The following B3GALT2 variants were observed in gnomAD, a reference collection of about 807,000 sequenced individuals.
B3GALT2 encodes UDP-Gal:betaGlcNAc beta 1,3-galactosyltransferase, polypeptide 2.
B3GALT2 carries 13 observed loss-of-function variants against 33.5 expected under a neutral mutation model. That is an observed-to-expected ratio of 0.39 (90% confidence interval 0.25 to 0.62). B3GALT2 has a LOEUF of 0.62. Ranked by LOEUF, B3GALT2 falls within the 20% of genes least tolerant of loss-of-function variation. B3GALT2 has a pLI of 0.53. For missense variants in B3GALT2, 418 were observed against 509.1 expected, an observed-to-expected ratio of 0.82 and a Z score of 1.72; for synonymous variants, 195 against 172.7, an observed-to-expected ratio of 1.13 and a Z score of -1.01.
chr1:193,184,196 A>G (rs1676767217), intron 1 of B3GALT2, among the ~76,000 whole-genome samples: 1 of 152,048 alleles, frequency 6.6e-6, no homozygotes, highest in Middle Eastern at 3.5e-3. Flanking sequence ...ATATATAACT[A>G]TAAATCTCCC....
intron 1 of B3GALT2, among the ~76,000 whole-genome samples, chr1:193,185,516 G>C (rs958500099): frequency 2.6e-5 from 4 of 151,748 alleles, no homozygotes; most frequent in African/African-American, 7.3e-5. Flanking sequence ...GGAAGATTTT[G>C]TTACTAAAAG....
At chr1:193,181,726 G>A in intron 1 of B3GALT2, 44 bp from the exon 2 acceptor site, 1 of 631,756 alleles carries the variant, frequency 1.6e-6, no homozygotes, top group Non-Finnish European at 2.6e-6. Context: ...GCCTGAAAGG[G>A]ACTTTGGGTA....
In B3GALT2 at chr1:193,181,449, A is replaced by G. The variant is rs2103159399; in HGVS notation, c.114T>C (p.Ala38=). Residue 38 remains alanine, a synonymous_variant, in exon 2 of 2, where the codon GCT becomes GCC. Transcript: ENST00000367434. ...CATGATGATTGAAAAACAAAAACAT[A>G]GCAAAAAGAAACACTAGAGAAAGTA... ...IGVLSLVFLF[A]MFLFFNHHDW... 1 of 1,614,096 alleles carries G rather than the reference A, an allele frequency of 6.2e-7. No individual in the cohort carries two copies. Among genetic ancestry groups the G allele is most frequent in the Non-Finnish European group, 8.5e-7 (1 of 1,179,944 alleles).
chr1:193,181,707 T>G (rs1676720384), intron 1 of B3GALT2, 25 bp from the exon 2 acceptor site: 1 of 757,560 alleles, frequency 1.3e-6, no homozygotes, highest in Non-Finnish European at 2.1e-6. Context: ...CACAAAAGTT[T>G]ACAGAACTGC....
At position 193,178,813 on chromosome 1, in the gene B3GALT2, A is replaced by G. The variant is rs539380780; in HGVS notation, c.*1481T>C. 2.5e-4 allele frequency among the ~76,000 whole-genome samples: 38 copies of G among 152,324 alleles called. No homozygotes were observed. The highest frequency in any genetic ancestry group is 7.5e-4 in the African/African-American group (31 of 41,578). On this transcript the variant is annotated 3_prime_UTR_variant, in exon 2 of 2. Transcript: ENST00000367434. ...CACTTAAACAGTTTTAGTGTTTTCAAGTTTCACAAATGTTACAATTCTCTT... is the reference window on the plus strand; with the variant it reads ...CACTTAAACAGTTTTAGTGTTTTCAGGTTTCACAAATGTTACAATTCTCTT...
Position 193,183,854 on chromosome 1 carries a change from A to T in B3GALT2, c.-121+2165T>A, listed in dbSNP as rs141916432. 4.6e-3 allele frequency among the ~76,000 whole-genome samples: 702 copies of T among 151,872 alleles called. 6 individuals are homozygous for T. The highest frequency in any genetic ancestry group is 0.016 in the African/African-American group (650 of 41,502). ...ATCTGGTTGAAGTCCAATTATACAG[A>T]TTTTTTTTAAAGTGTAAATTTGATG... On this transcript the variant is annotated intron_variant, in intron 1 of 1. Coordinates refer to ENST00000367434, the MANE Select transcript of B3GALT2 (RefSeq NM_003783.3).
chr1:193,181,221 A>G lies in B3GALT2; in HGVS notation c.342T>C (p.Asn114=), dbSNP rs777270072. 6.2e-7 allele frequency: 1 copy of G among 1,614,050 alleles called. No individual in the cohort carries two copies. The part of the protein sequence containing the change: ...LSPQGVTGLE[N]TLSANGSIYN... Reference sequence around the variant, plus strand: ...AAATACTTCCATTGGCACTAAGTGTATTCTCCAGGCCTGTAACTCCTTGTG... The same window carrying G: ...AAATACTTCCATTGGCACTAAGTGTGTTCTCCAGGCCTGTAACTCCTTGTG... Residue 114 remains asparagine (N), a synonymous_variant, in exon 2 of 2, where the codon AAT becomes AAC. Coordinates refer to ENST00000367434, the MANE Select transcript of B3GALT2 (RefSeq NM_003783.3).
chr1:193,184,803 T>C (rs1013049040), intron 1 of B3GALT2, among the ~76,000 whole-genome samples: 1 of 151,960 alleles, frequency 6.6e-6, no homozygotes, highest in African/African-American at 2.4e-5. Flanking sequence ...GAGAGTGATG[T>C]TGAGGTGTAA....
chr1:193,181,662 A>T lies in B3GALT2; in HGVS notation c.-100T>A. On this transcript the variant is annotated 5_prime_UTR_variant, in exon 2 of 2. The change abolishes an upstream ATG in the 5' untranslated region. Coordinates refer to ENST00000367434, the MANE Select transcript of B3GALT2 (RefSeq NM_003783.3). ...GGCAATCATTTTCTAATTCAGTCAC[A>T]TTGTCTCTCTTGTAGTCATTCTATA... 2 of 1,132,840 alleles carry T rather than the reference A, an allele frequency of 1.8e-6. No individual in the cohort carries two copies. The highest frequency in any genetic ancestry group is 1.3e-6 in the Non-Finnish European group (1 of 797,748). The allele number at this position is 1,132,840 out of a possible 1,614,324, so 70.2% of individuals were successfully genotyped here.
intron 1 of B3GALT2, 128 bp downstream of exon 1, chr1:193,185,891 A>G (rs1296222774): frequency 6.6e-6 from 1 of 152,190 alleles, no homozygotes; most frequent in Non-Finnish European, 1.5e-5. Flanking sequence ...AAAATCAGAT[A>G]TTAAGAAACC....
chr1:193,180,823 T>C lies in B3GALT2; in HGVS notation c.740A>G (p.Tyr247Cys). The C allele has an allele frequency of 6.2e-7, 1 of 1,614,110 alleles. No individual in the cohort carries two copies. Among genetic ancestry groups the C allele is most frequent in the Non-Finnish European group, 8.5e-7 (1 of 1,179,982 alleles). ...CATGTCACTGTCAGTTTTCATAACATATGGAATATGTGGACAGTATGTTGC... is the reference window on the plus strand; with the variant it reads ...CATGTCACTGTCAGTTTTCATAACACATGGAATATGTGGACAGTATGTTGC... ...WVATYCPHIP[Y>C]VMKTDSDMFV... The change falls in exon 2 of 2, where the codon TAT becomes TGT. Residue 247 changes from tyrosine to cysteine, a missense_variant. Physicochemically the swap from Tyr to Cys is radical, Grantham distance 194. Around this residue, in one of 3 missense-constraint regions of B3GALT2, gnomAD observed 226 missense variants for 293.9 expected, o/e 0.77. Transcript: ENST00000367434.
Position 193,179,081 on chromosome 1 carries a change from A to T in B3GALT2, c.*1213T>A, listed in dbSNP as rs1676663425. ...GTTTTCCTTTATTTTTAAAAACTTC[A>T]TAAAAGTGCATTGTATACATTGTTC... On this transcript the variant is annotated 3_prime_UTR_variant, in exon 2 of 2. Transcript: ENST00000367434. The T allele has an allele frequency of 6.6e-6, 1 of 152,222 alleles. No homozygotes were observed. 9.4% of individuals were successfully genotyped at this position (152,222 alleles called of 1,614,324 possible).
intron 1 of B3GALT2, among the ~76,000 whole-genome samples, chr1:193,184,217 G>T (rs1166070255): frequency 6.6e-6 from 1 of 151,822 alleles, no homozygotes; most frequent in Non-Finnish European, 1.5e-5. Context: ...ATTGATAAAT[G>T]AAGTGCATGT....
intron 1 of B3GALT2, 142 bp from the exon 2 acceptor site, chr1:193,181,824 A>C (rs1676722403): frequency 2.6e-6 from 1 of 391,990 alleles, no homozygotes; most frequent in East Asian, 3.8e-5. Context: ...CCTTGGCAAC[A>C]TAACATCACT....
In B3GALT2 at chr1:193,179,396, A is replaced by G. The variant is rs1396166602; in HGVS notation, c.*898T>C. 1.3e-5 allele frequency: 2 copies of G among 152,654 alleles called. No individual in the cohort carries two copies. Among genetic ancestry groups the G allele is most frequent in the South Asian group, 2.1e-4 (1 of 4,824 alleles). 9.5% of individuals were successfully genotyped at this position (152,654 alleles called of 1,614,324 possible). The stretch of plus-strand genomic sequence containing the variant: ...TTTATCTTTTTCAACAGTACATCCT[A>G]TTTGTGCCTTTAAGTGATTACTTTT... On this transcript the variant is annotated 3_prime_UTR_variant, in exon 2 of 2. Transcript: ENST00000367434.
At position 193,181,225 on chromosome 1, in the gene B3GALT2, T is replaced by C; in HGVS notation, c.338A>G (p.Glu113Gly). The C allele has an allele frequency of 1.2e-6, 2 of 1,614,104 alleles. No homozygotes were observed. The highest frequency in any genetic ancestry group is 2.2e-5 in the East Asian group (1 of 44,882). Residue 113 changes from glutamate (E) to glycine (G), a missense_variant, in exon 2 of 2, where the codon GAG becomes GGG. Physicochemically the swap from Glu to Gly is moderately conservative, Grantham distance 98. Transcript: ENST00000367434. ...ACTTCCATTGGCACTAAGTGTATTC[T>C]CCAGGCCTGTAACTCCTTGTGGTGA... is the stretch of plus-strand genomic sequence containing the variant. ...DLSPQGVTGL[E>G]NTLSANGSIY...
Position 193,181,338 on chromosome 1 carries a change from G to A in B3GALT2, c.225C>T (p.Asn75=). The change falls in exon 2 of 2, where the codon AAC becomes AAT. Residue 75 remains asparagine, a synonymous_variant. Coordinates refer to ENST00000367434, the MANE Select transcript of B3GALT2 (RefSeq NM_003783.3). ...RGFRSTKSET[N]HSSLRNIWKE... ...TCCAAATGTTCCGAAGGGAGCTGTGGTTTGTCTCACTTTTTGTTGACCGAA... is the reference window on the plus strand; with the variant it reads ...TCCAAATGTTCCGAAGGGAGCTGTGATTTGTCTCACTTTTTGTTGACCGAA... The A allele has an allele frequency of 6.2e-7, 1 of 1,614,056 alleles. No individual in the cohort carries two copies. The highest frequency in any genetic ancestry group is 8.5e-7 in the Non-Finnish European group (1 of 1,179,952).
At chr1:193,183,233 C>A (rs1228502992) in intron 1 of B3GALT2, among the ~76,000 whole-genome samples, 2 of 151,432 alleles carry the variant, frequency 1.3e-5, no homozygotes, top group African/African-American at 2.4e-5. Context: ...CTAGGAGGAG[C>A]AAGTAGGTGG....
intron 1 of B3GALT2, 49 bp from the exon 2 acceptor site, chr1:193,181,731 T>C (rs1676720710): frequency 1.6e-6 from 1 of 612,878 alleles, no homozygotes; most frequent in Admixed American, 3.5e-5. Flanking sequence ...AAAGGGACTT[T>C]GGGTACTAAT....
Sources: allele counts gnomAD v4.1 joint callset (sites outside exome capture counted in the v4.1 genomes callset), GRCh38; gene constraint gnomAD v4.1.1; regional missense constraint gnomAD v4.1.1; transcripts MANE v1.5; gene names NCBI Gene and HGNC (gene_info 2026-07-23, HGNC 2026-07-21).